Variants in CREB5 observed in about 807,000 individuals in gnomAD.
CREB5 encodes cyclic AMP-responsive element-binding protein 5.
In CREB5, 19 loss-of-function variants were observed where a neutral mutation model predicts 57.1. The ratio of observed to expected loss-of-function variants is 0.33; its 90% CI spans 0.23 to 0.49. The LOEUF is 0.49. Ranked by LOEUF, CREB5 falls within the 20% of genes least tolerant of loss-of-function variation. CREB5 has a pLI of 0.99. For synonymous variants in CREB5, 238 were observed against 238.3 expected (o/e 1.00, Z 0.01); for missense variants, 579 against 671.6 (o/e 0.86, Z 1.52).
At chr7:28,672,184 AAAAAACAC>A (rs1800079593) in intron 5 of CREB5, among the ~76,000 whole-genome samples, 1 of 139,132 alleles carries the variant, frequency 7.2e-6, no homozygotes, top group Admixed American at 7.3e-5. Context: ...GGAAAAAAAA[AAAAAACAC>A]ACACACACAC....
At chr7:28,644,501 G>A (rs965930145) in intron 5 of CREB5, among the ~76,000 whole-genome samples, 4 of 152,062 alleles carry the variant, frequency 2.6e-5, no homozygotes, top group Non-Finnish European at 4.4e-5. Context: ...AGACCTTGTC[G>A]CGCCCCCAAC....
intron 5 of CREB5, among the ~76,000 whole-genome samples, chr7:28,580,326 G>A (rs1796067597): frequency 6.6e-6 from 1 of 151,698 alleles, no homozygotes; most frequent in Admixed American, 6.6e-5. Context: ...GTCTGGAATT[G>A]GAGAAAGTTG....
chr7:28,456,766 G>C (rs188344078), intron 1 of CREB5, among the ~76,000 whole-genome samples: 1 of 152,306 alleles, frequency 6.6e-6, no homozygotes, highest in East Asian at 1.9e-4. Flanking sequence ...TTTGCATATA[G>C]ACAGACCTCA....
chr7:28,660,454 A>C (rs1345736324), intron 5 of CREB5, among the ~76,000 whole-genome samples: 2 of 149,558 alleles, frequency 1.3e-5, no homozygotes, highest in Non-Finnish European at 2.9e-5. Context: ...TACAACGGTA[A>C]GCAAAAGCAG....
chr7:28,396,079 A>C (rs1400194131), intron 1 of CREB5, among the ~76,000 whole-genome samples: 2 of 152,240 alleles, frequency 1.3e-5, no homozygotes, highest in Admixed American at 1.3e-4. Context: ...AACATTTGCA[A>C]ATGAGCATGA....
In CREB5 at chr7:28,560,915, CGTGTGT is replaced by C. The variant is rs1272052332; in HGVS notation, c.292-9448_292-9443del. On this transcript the variant is annotated intron_variant, in intron 4 of 10. Coordinates refer to ENST00000357727, the MANE Select transcript of CREB5 (RefSeq NM_182898.4). ...GTGTGTGCGTGCGCGCGTGCGTGTG[CGTGTGT>C]GCGCGTGCGTGTGTGCGTGCGTGTG... Among the ~76,000 whole-genome samples, 74 of 16,844 alleles carry C rather than the reference CGTGTGT, an allele frequency of 4.4e-3. 1 individual carries two copies. The highest frequency in any genetic ancestry group is 0.031 in the East Asian group (15 of 480). The allele number at this position is 16,844 out of a possible 152,430, so 11.1% of individuals were successfully genotyped here. A position where few individuals can be genotyped will look rare whatever the true frequency, so the allele number is the denominator to read the frequency against.
intron 4 of CREB5, among the ~76,000 whole-genome samples, chr7:28,530,161 A>T (rs1354605048): frequency 6.6e-6 from 1 of 152,224 alleles, no homozygotes; most frequent in African/African-American, 2.4e-5. Flanking sequence ...AAAGCAATTC[A>T]GAGTCGCTTT....
intron 1 of CREB5, among the ~76,000 whole-genome samples, chr7:28,348,480 T>C (rs1268842033): frequency 1.3e-5 from 2 of 151,796 alleles, no homozygotes; most frequent in African/African-American, 4.8e-5. Flanking sequence ...ATTAGAGATA[T>C]GTCTAAAATG....
chr7:28,672,898 T>C (rs1486717118), intron 5 of CREB5, among the ~76,000 whole-genome samples: 1 of 152,220 alleles, frequency 6.6e-6, no homozygotes, highest in Non-Finnish European at 1.5e-5. Context: ...TTTGAAAATT[T>C]TAGGGTATTT....
At chr7:28,605,483 A>G (rs1191443412) in intron 5 of CREB5, among the ~76,000 whole-genome samples, 2 of 152,068 alleles carry the variant, frequency 1.3e-5, no homozygotes, top group African/African-American at 2.4e-5. Context: ...CTATTTTTCT[A>G]TTTTTGGCCT....
upstream of CREB5, chr7:28,410,040 C>T: frequency 2.3e-6 from 1 of 442,168 alleles, no homozygotes; most frequent in South Asian, 1.6e-5. Flanking sequence ...GCGGGCGCGG[C>T]GAGGACGCCG....
chr7:28,578,709 C>T (rs1007495752), intron 5 of CREB5, among the ~76,000 whole-genome samples: 11 of 152,168 alleles, frequency 7.2e-5, no homozygotes, highest in African/African-American at 2.2e-4. Context: ...GCCTATGATG[C>T]CCTTTGCATG....
chr7:28,368,290 T>C (rs1161969376), intron 1 of CREB5, among the ~76,000 whole-genome samples: 1 of 152,152 alleles, frequency 6.6e-6, no homozygotes, highest in African/African-American at 2.4e-5. Context: ...ATGTACAGTA[T>C]TCGGGTGACA....
intron 1 of CREB5, among the ~76,000 whole-genome samples, chr7:28,360,287 AT>A (rs1337847620): frequency 1.3e-5 from 2 of 152,248 alleles, no homozygotes; most frequent in Non-Finnish European, 2.9e-5. Context: ...TTGTAGCATT[AT>A]TCACAATATC....
At chr7:28,301,574 T>C (rs1785098833) in intron 1 of CREB5, among the ~76,000 whole-genome samples, 1 of 152,224 alleles carries the variant, frequency 6.6e-6, no homozygotes, top group Non-Finnish European at 1.5e-5. Flanking sequence ...ATATACTGAA[T>C]AAGGATCTGC....
Position 28,338,003 on chromosome 7 carries a change from T to C in CREB5, c.-25+38562T>C, listed in dbSNP as rs181444353. On this transcript the variant is annotated intron_variant, in intron 1 of 9. Transcript: ENST00000396299. The stretch of plus-strand genomic sequence containing the variant: ...AAGCAAAAAGAAAACTAATAAAAAT[T>C]CTACACTTAACTTCATTCCCCTACT... 3.8e-3 allele frequency among the ~76,000 whole-genome samples: 572 copies of C among 152,288 alleles called. 8 individuals carry two copies. The highest frequency in any genetic ancestry group is 0.034 in the Middle Eastern group (10 of 294).
chr7:28,569,339 A>C (rs539396107), intron 4 of CREB5, among the ~76,000 whole-genome samples: 1 of 151,696 alleles, frequency 6.6e-6, no homozygotes, highest in Admixed American at 6.6e-5. Flanking sequence ...CTCTTTCTTT[A>C]TTGGGTTCTA....
chr7:28,310,646 T>G (rs1785259143), intron 1 of CREB5, among the ~76,000 whole-genome samples: 1 of 152,252 alleles, frequency 6.6e-6, no homozygotes, highest in African/African-American at 2.4e-5. Flanking sequence ...TTACGCAATT[T>G]CAAACATATA....
rs150612 is a variant in CREB5, at chr7:28,546,014, A to G, written c.292-24351A>G. Among the ~76,000 whole-genome samples the G allele has an allele frequency of 7.6e-3, 1,152 of 152,242 alleles. 13 individuals carry two copies. Among genetic ancestry groups the G allele is most frequent in the African/African-American group, 0.026 (1,081 of 41,530 alleles). On this transcript the variant is annotated intron_variant, in intron 4 of 10. Coordinates refer to ENST00000357727, the MANE Select transcript of CREB5 (RefSeq NM_182898.4). The stretch of plus-strand genomic sequence containing the variant: ...TCTTGGAACATTTTCAGCCTCCCCA[A>G]AAGAAACTTAGTGCCCATAGGCATC...
Sources: gnomAD v4.1 joint callset for allele counts (sites outside exome capture counted in the v4.1 genomes callset) on GRCh38, gnomAD v4.1.1 for gene constraint, MANE v1.5 for transcripts, NCBI Gene and HGNC (gene_info 2026-07-23, HGNC 2026-07-21) for gene names.